Variants in STK24 observed in about 807,000 individuals in gnomAD.
STK24 encodes the protein serine/threonine kinase 24.
A neutral mutation model predicts 55.6 loss-of-function variants in STK24; 21 were observed. That is an observed-to-expected ratio of 0.38 (90% CI 0.27 to 0.54). STK24 has a LOEUF of 0.54. Ranked by LOEUF, STK24 falls within the 20% of genes least tolerant of loss-of-function variation. The pLI, the probability that STK24 is intolerant of heterozygous loss-of-function variation, is 0.79. For synonymous variants in STK24, 200 were observed against 215.2 expected (o/e 0.93, Z 0.62); for missense variants, 383 against 538.4 (o/e 0.71, Z 2.86).
At chr13:98,461,023 G>A (rs1346909108) in intron 8 of STK24, among the ~76,000 whole-genome samples, 5 of 149,960 alleles carry the variant, frequency 3.3e-5, no homozygotes, top group African/African-American at 1.2e-4. Flanking sequence ...ACTCCAGCCT[G>A]GGCAACAGAG....
chr13:98,547,255 T>C (rs1288201867), intron 1 of STK24, among the ~76,000 whole-genome samples: 1 of 152,070 alleles, frequency 6.6e-6, no homozygotes, highest in African/African-American at 2.4e-5. Flanking sequence ...AAATTTATAT[T>C]AAAATTGTGG....
intron 5 of STK24, among the ~76,000 whole-genome samples, chr13:98,474,422 GC>G (rs1894284232): frequency 6.6e-6 from 1 of 152,090 alleles, no homozygotes; most frequent in Admixed American, 6.5e-5. Context: ...CTTCAAGGTT[GC>G]CGATTCCACG....
chr13:98,458,342 G>A (rs1411257194), intron 9 of STK24, among the ~76,000 whole-genome samples: 1 of 152,150 alleles, frequency 6.6e-6, no homozygotes, highest in East Asian at 1.9e-4. Flanking sequence ...CCTCTTCAGG[G>A]AAGAAAGAAA....
intron 9 of STK24, among the ~76,000 whole-genome samples, chr13:98,458,373 T>A (rs1205053272): frequency 6.6e-6 from 1 of 152,166 alleles, no homozygotes; most frequent in African/African-American, 2.4e-5. Flanking sequence ...GACATTCAGC[T>A]TGGTTTTCAG....
At chr13:98,516,426 T>C (rs941347069) in intron 2 of STK24, among the ~76,000 whole-genome samples, 1 of 152,214 alleles carries the variant, frequency 6.6e-6, no homozygotes, top group African/African-American at 2.4e-5. Flanking sequence ...CCTGAGCTAT[T>C]CCACTTCCTA....
rs1179374932 is a variant in STK24, at chr13:98,530,045, G to A, written c.43-10572C>T. Among the ~76,000 whole-genome samples the A allele has an allele frequency of 3.3e-5, 5 of 152,048 alleles. No individual in the cohort carries two copies. In the East Asian group the frequency reaches 7.7e-4, roughly 23 times the overall value. ...AAAGGCCAATTGCAGGAAAAATGAC[G>A]GCAAAGAAAGAAGGCAAAAGGCACT... On this transcript the variant is annotated intron_variant, in intron 1 of 10. Coordinates refer to ENST00000539966, the MANE Select transcript of STK24 (RefSeq NM_001032296.4).
At chr13:98,458,693 G>A (rs1893573040) in intron 9 of STK24, among the ~76,000 whole-genome samples, 1 of 152,200 alleles carries the variant, frequency 6.6e-6, no homozygotes, top group Non-Finnish European at 1.5e-5. Flanking sequence ...AAGGAGCAAA[G>A]GCGGCAGAAG....
At chr13:98,504,589 T>C (rs1895615636) in intron 2 of STK24, among the ~76,000 whole-genome samples, 2 of 152,208 alleles carry the variant, frequency 1.3e-5, no homozygotes, top group Admixed American at 6.5e-5. Context: ...TGGTTCATGG[T>C]GAGAATGAAG....
chr13:98,564,223 G>A (rs573071057), intron 1 of STK24, among the ~76,000 whole-genome samples: 5 of 152,278 alleles, frequency 3.3e-5, no homozygotes, highest in South Asian at 4.2e-4. Context: ...AACAGCTACC[G>A]AGAAAAGAAA....
intron 2 of STK24, among the ~76,000 whole-genome samples, chr13:98,489,574 C>T (rs778678488): frequency 1.3e-5 from 2 of 152,202 alleles, no homozygotes; most frequent in Non-Finnish European, 2.9e-5. Context: ...TAGCATCAGA[C>T]AGCCAGTGGC....
Position 98,520,542 on chromosome 13 carries a change from A to C in STK24, c.43-1069T>G, listed in dbSNP as rs539049769. 3.3e-5 allele frequency among the ~76,000 whole-genome samples: 5 copies of C among 152,328 alleles called. No homozygotes were observed. In the South Asian group the frequency reaches 1.0e-3, roughly 32 times the overall value. ...GGGAGGAGAGGGAGGCCTGAAAAGGAGGTAAAGAAAGAGAATGAGGAGAAG... is the reference window on the plus strand; with the variant it reads ...GGGAGGAGAGGGAGGCCTGAAAAGGCGGTAAAGAAAGAGAATGAGGAGAAG... On this transcript the variant is annotated intron_variant, in intron 1 of 10. Transcript: ENST00000539966.
intron 2 of STK24, among the ~76,000 whole-genome samples, chr13:98,518,694 TG>T (rs1896155454): frequency 2.0e-5 from 3 of 152,196 alleles, no homozygotes. Context: ...AAGAACAGAG[TG>T]GCAGTGCAGG....
chr13:98,469,413 G>GA (rs1894050761), intron 5 of STK24, among the ~76,000 whole-genome samples: 1 of 152,188 alleles, frequency 6.6e-6, no homozygotes, highest in Admixed American at 6.5e-5. Context: ...GCCGGGCATG[G>GA]TGGGCTGCAC....
At chr13:98,502,367 G>C (rs1439742595) in intron 2 of STK24, among the ~76,000 whole-genome samples, 1 of 152,156 alleles carries the variant, frequency 6.6e-6, no homozygotes, top group East Asian at 1.9e-4. Flanking sequence ...AGGTCTTAAA[G>C]CCCTAGAAAC....
chr13:98,530,113 A>G (rs1896543247), intron 1 of STK24, among the ~76,000 whole-genome samples: 1 of 28,328 alleles, frequency 3.5e-5, no homozygotes, highest in Non-Finnish European at 1.3e-4. Flanking sequence ...ATACACACAC[A>G]CACGCACACA....
chr13:98,461,656 T>C lies in STK24; in HGVS notation c.1053+118A>G, dbSNP rs1893707062. 4.2e-6 allele frequency: 6 copies of C among 1,439,624 alleles called. No individual in the cohort carries two copies. The African/African-American group carries it at 4.2e-5, about 10-fold the overall frequency. The allele number at this position is 1,439,624 out of a possible 1,614,324, so 89.2% of individuals were successfully genotyped here. A position where few individuals can be genotyped will look rare whatever the true frequency, so the allele number is the denominator to read the frequency against. ...ATCTGCCCATCCCCTAGCAACAAAA[T>C]TCCAGGACAGCTGCCACAAAGGACC... On this transcript the variant is annotated intron_variant, in intron 8 of 10. Coordinates refer to ENST00000539966, the MANE Select transcript of STK24 (RefSeq NM_001032296.4).
At chr13:98,456,588 G>A (rs749395900) in intron 10 of STK24, 7 of 482,558 alleles carry the variant, frequency 1.5e-5, no homozygotes, top group Non-Finnish European at 2.6e-5. Flanking sequence ...GGGGCAGGGA[G>A]GGCAAAACTG....
Position 98,519,235 on chromosome 13 carries a change from A to G in STK24, c.273+8T>C, listed in dbSNP as rs1432735709. 2 of 1,611,110 alleles carry G rather than the reference A, an allele frequency of 1.2e-6. No homozygotes were observed. Among genetic ancestry groups the G allele is most frequent in the Non-Finnish European group, 1.7e-6 (2 of 1,177,364 alleles). On this transcript the variant is annotated splice_region_variant and intron_variant, in intron 2 of 10. Transcript: ENST00000539966. ...CAGAACGGAGAAGCACGTTATTTTA[A>G]GCCTTACCTTCAGATAGGATCCATA...
In STK24 at chr13:98,576,740, C is replaced by A; in HGVS notation, c.42+5G>T. ...ATCCCGGCCCCGCGGCCCGCGCCCG[C>A]CTACCTGCATGCCGGGCAGGCCCGA... On this transcript the variant is annotated splice_donor_5th_base_variant and intron_variant, in intron 1 of 10. Transcript: ENST00000539966. The A allele has an allele frequency of 1.4e-6, 2 of 1,461,176 alleles. No individual in the cohort carries two copies. Among genetic ancestry groups the A allele is most frequent in the Non-Finnish European group, 1.8e-6 (2 of 1,110,998 alleles). The allele number at this position is 1,461,176 out of a possible 1,614,324, so 90.5% of individuals were successfully genotyped here. A position where few individuals can be genotyped will look rare whatever the true frequency, so the allele number is the denominator to read the frequency against.
Sources: gnomAD v4.1 joint callset for allele counts (sites outside exome capture counted in the v4.1 genomes callset) on GRCh38, gnomAD v4.1.1 for gene constraint, MANE v1.5 for transcripts, NCBI Gene and HGNC (gene_info 2026-07-23, HGNC 2026-07-21) for gene names.